VSIG10: variants seen among roughly 807,000 people sequenced by gnomAD.
The protein encoded by VSIG10 is V-set and immunoglobulin domain containing 10, also known as V-set and immunoglobulin domain-containing protein 10.
In VSIG10, 48 loss-of-function variants were observed where a neutral mutation model predicts 58.7. The ratio of observed to expected loss-of-function variants is 0.82; its 90% CI spans 0.65 to 1.04. The LOEUF (loss-of-function observed/expected upper bound fraction) is 1.04, where lower values mean the gene tolerates loss of function less well. Among genes scored for constraint, VSIG10 ranks in the 50% least tolerant of loss-of-function variants. The pLI is 0.00. For missense variants in VSIG10, 628 were observed against 670.0 expected (o/e 0.94, Z 0.69); for synonymous variants, 260 against 267.1 (o/e 0.97, Z 0.26).
intron 2 of VSIG10, 53 bp from the exon 3 acceptor site, chr12:118,082,482 A>T: frequency 6.5e-7 from 1 of 1,527,068 alleles, no homozygotes; most frequent in East Asian, 2.3e-5. Flanking sequence ...AGCTCATTCG[A>T]TTGCCTTACC....
Position 118,063,767 on chromosome 12 carries a change from G to A in VSIG10, c.*2872C>T, listed in dbSNP as rs2032154847. 1 of 152,096 alleles carries A rather than the reference G, an allele frequency of 6.6e-6. No individual in the cohort carries two copies. Among genetic ancestry groups the A allele is most frequent in the Non-Finnish European group, 1.5e-5 (1 of 68,022 alleles). 9.4% of individuals were successfully genotyped at this position (152,096 alleles called of 1,614,324 possible). ...GTCCCAACGTGAGAAATATCAGTTG[G>A]CACTTATTGCATCATAATACATTTT... is the stretch of plus-strand genomic sequence containing the variant. On this transcript the variant is annotated 3_prime_UTR_variant, in exon 9 of 9. Coordinates refer to ENST00000359236, the MANE Select transcript of VSIG10 (RefSeq NM_019086.6).
chr12:118,075,340 C>T (rs938459474), intron 4 of VSIG10, among the ~76,000 whole-genome samples: 1 of 151,766 alleles, frequency 6.6e-6, no homozygotes, highest in Non-Finnish European at 1.5e-5. Flanking sequence ...AATGAAGCAA[C>T]TCCAGAAATT....
chr12:118,103,474 T>G, intron 1 of VSIG10, 119 bp downstream of exon 1: 1 of 1,079,428 alleles, frequency 9.3e-7, no homozygotes, highest in South Asian at 1.8e-5. Context: ...CTGGGGCAGC[T>G]TCTAGGCTGG....
chr12:118,087,626 CAGG>C lies in VSIG10; in HGVS notation c.362-5200_362-5198del, dbSNP rs1378052774. Among the ~76,000 whole-genome samples the C allele has an allele frequency of 2.0e-5, 3 of 151,836 alleles. No homozygotes were observed. In the East Asian group the frequency reaches 5.8e-4, roughly 30 times the overall value. On this transcript the variant is annotated intron_variant, in intron 2 of 8. Transcript: ENST00000359236. Reference sequence around the variant, plus strand: ...CCAAGGAGGGAAGACTGCTTGAGCCCAGGAGTTCAAAACCAGCCTGGGCAATAT... The same window carrying C: ...CCAAGGAGGGAAGACTGCTTGAGCCCAGTTCAAAACCAGCCTGGGCAATAT...
chr12:118,080,439 C>T (rs2032907072), intron 3 of VSIG10, among the ~76,000 whole-genome samples: 1 of 152,066 alleles, frequency 6.6e-6, no homozygotes, highest in African/African-American at 2.4e-5. Context: ...AAATTATAGA[C>T]GTGAGCCACC....
intron 1 of VSIG10, among the ~76,000 whole-genome samples, chr12:118,097,881 C>T (rs911721750): frequency 6.6e-6 from 1 of 152,138 alleles, no homozygotes; most frequent in African/African-American, 2.4e-5. Context: ...CGATATTGTA[C>T]CACTGTACTC....
At chr12:118,080,686 C>T (rs1407534246) in intron 3 of VSIG10, among the ~76,000 whole-genome samples, 7 of 152,162 alleles carry the variant, frequency 4.6e-5, no homozygotes, top group Non-Finnish European at 8.8e-5. Flanking sequence ...GACTATTATT[C>T]AGCCATTAAA....
At chr12:118,076,648 G>A (rs548880697) in intron 4 of VSIG10, among the ~76,000 whole-genome samples, 56 of 150,822 alleles carry the variant, frequency 3.7e-4, no homozygotes, top group African/African-American at 1.1e-3. Context: ...TGATCCTGGC[G>A]CTTCTGATCT....
rs759278156 is a variant in VSIG10 at position 118,073,740 on chromosome 12, G to A, written c.1178C>T (p.Pro393Leu). The part of the protein sequence containing the change: ...EGYYICRADS[P>L]VGVREMEIWL... ...GATTTCCATCTCCCTCACCCCTACA[G>A]GGCTGTCAGCTCGGCAGATGTAGTA... is the stretch of plus-strand genomic sequence containing the variant. The change falls in exon 5 of 9, where the codon CCT becomes CTT. Residue 393 changes from proline to leucine, a missense_variant. By Grantham distance (98) the Pro-to-Leu change is moderately conservative (BLOSUM62 -3). Transcript: ENST00000359236. 6.2e-7 allele frequency: 1 copy of A among 1,613,828 alleles called. No homozygotes were observed. Among genetic ancestry groups the A allele is most frequent in the East Asian group, 2.2e-5 (1 of 44,870 alleles).
rs886327779 is a variant in VSIG10, at chr12:118,103,773, C to T, written c.-102G>A. 21 of 1,173,136 alleles carry T rather than the reference C, an allele frequency of 1.8e-5. No homozygotes were observed. The highest frequency in any genetic ancestry group is 2.4e-5 in the Non-Finnish European group (21 of 891,622). 72.7% of individuals were successfully genotyped at this position (1,173,136 alleles called of 1,614,324 possible). On this transcript the variant is annotated 5_prime_UTR_variant, in exon 1 of 9. Transcript: ENST00000359236. Reference sequence around the variant, plus strand: ...GGGTACCGAGGGCTCCTCCCAGGTCCTCGGAACGGCAGAGTGGCCCCACTT... The same window carrying T: ...GGGTACCGAGGGCTCCTCCCAGGTCTTCGGAACGGCAGAGTGGCCCCACTT...
Position 118,082,220 on chromosome 12 carries a change from T to A in VSIG10, c.571A>T (p.Ile191Leu), listed in dbSNP as rs751218267. 2 of 1,613,704 alleles carry A rather than the reference T, an allele frequency of 1.2e-6. No individual in the cohort carries two copies. Among genetic ancestry groups the A allele is most frequent in the Non-Finnish European group, 1.7e-6 (2 of 1,179,872 alleles). The change falls in exon 3 of 9, where the codon ATA (isoleucine) becomes TTA (leucine). Residue 191 changes from isoleucine to leucine, a missense_variant. Ile to Leu is a conservative substitution (Grantham distance 5). Coordinates refer to ENST00000359236, the MANE Select transcript of VSIG10 (RefSeq NM_019086.6). Reference protein sequence around the residue: ...LTVNFFSLLLISPNLQGNYTC... With the variant: ...LTVNFFSLLLLSPNLQGNYTC... ...TAGTTCCCTTGGAGGTTTGGCGATA[T>A]CAGTAACAGTGAGAAAAAGTTGACT...
At chr12:118,079,299 G>C in intron 4 of VSIG10, 47 bp downstream of exon 4, 3 of 1,596,616 alleles carry the variant, frequency 1.9e-6, no homozygotes, top group Non-Finnish European at 2.6e-6. Context: ...CTAGGAGAAA[G>C]GAAGGCAGGG....
At chr12:118,068,011 G>A (rs1176876763) in intron 8 of VSIG10, among the ~76,000 whole-genome samples, 1 of 147,634 alleles carries the variant, frequency 6.8e-6, no homozygotes, top group Non-Finnish European at 1.5e-5. Flanking sequence ...CAGCAGTTCA[G>A]AGGTTTGTGG....
Position 118,064,985 on chromosome 12 carries a change from T to C in VSIG10, c.*1654A>G, listed in dbSNP as rs1251260052. 6.6e-6 allele frequency: 1 copy of C among 152,180 alleles called. No individual in the cohort carries two copies. Among genetic ancestry groups the C allele is most frequent in the Non-Finnish European group, 1.5e-5 (1 of 68,024 alleles). The allele number at this position is 152,180 out of a possible 1,614,324, so 9.4% of individuals were successfully genotyped here. On this transcript the variant is annotated 3_prime_UTR_variant, in exon 9 of 9. Coordinates refer to ENST00000359236, the MANE Select transcript of VSIG10 (RefSeq NM_019086.6). ...CAAATTCAAGTCAGTTTTTCATATT[T>C]AGCAAACATCCATTGCACCCTTATA...
chr12:118,073,934 C>T lies in VSIG10; in HGVS notation c.984G>A (p.Thr328=), dbSNP rs761568859. 3.5e-5 allele frequency: 57 copies of T among 1,609,296 alleles called. No individual in the cohort carries two copies. Among genetic ancestry groups the T allele is most frequent in the Admixed American group, 8.4e-5 (5 of 59,758 alleles). ...AGGCCCCAGACACCTGGCATGTAAG[C>T]GTCACATTGCCCCCAGTGAAGCAAG... ...MKTCFTGGNV[T]LTCQVSGAYP... is the part of the protein sequence containing the mutation. Residue 328 remains threonine (T), a synonymous_variant, in exon 5 of 9, where the codon ACG becomes ACA. Coordinates refer to ENST00000359236, the MANE Select transcript of VSIG10 (RefSeq NM_019086.6).
intron 8 of VSIG10, among the ~76,000 whole-genome samples, chr12:118,067,144 C>G (rs1593485563): frequency 1.3e-5 from 2 of 151,696 alleles, no homozygotes; most frequent in Admixed American, 6.6e-5. Context: ...CCCACCTCAG[C>G]CTCCCAAGTA....
chr12:118,068,770 T>G (rs11068803), intron 7 of VSIG10, among the ~76,000 whole-genome samples, 173 bp from the exon 8 acceptor site: 53,991 of 152,078 alleles, frequency 0.36, 10,310 homozygotes, highest in African/African-American at 0.5. Flanking sequence ...TGCCACAAAT[T>G]GCTTCAGATG....
intron 5 of VSIG10, among the ~76,000 whole-genome samples, chr12:118,071,822 G>C (rs1464000493): frequency 6.6e-6 from 1 of 152,246 alleles, no homozygotes; most frequent in Non-Finnish European, 1.5e-5. Flanking sequence ...GGGTCCACAC[G>C]TAAGTATAAT....
intron 3 of VSIG10, among the ~76,000 whole-genome samples, chr12:118,081,748 G>A (rs1486330906): frequency 1.3e-5 from 2 of 152,182 alleles, no homozygotes; most frequent in African/African-American, 2.4e-5. Context: ...CGGGCGCAGT[G>A]GCTCACGCCT....
Sources: gnomAD v4.1 joint callset for allele counts (sites outside exome capture counted in the v4.1 genomes callset) on GRCh38, gnomAD v4.1.1 for gene constraint, MANE v1.5 for transcripts, NCBI Gene and HGNC (gene_info 2026-07-23, HGNC 2026-07-21) for gene names.